The following CENPB variants were observed in gnomAD, a reference collection of about 807,000 sequenced individuals.
The protein encoded by CENPB is centromere protein B.
CENPB carries 19 observed loss-of-function variants against 41.9 expected under a neutral mutation model. The ratio of observed to expected loss-of-function variants is 0.45; its 90% confidence interval spans 0.32 to 0.67. The LOEUF is 0.67. Among genes scored for constraint, CENPB ranks in the 30% least tolerant of loss-of-function variants. The probability of loss-of-function intolerance (pLI) is 0.04; values close to 1 mark genes in which losing one functional copy is unlikely to be tolerated. For synonymous variants in CENPB, 399 were observed against 354.4 expected, an observed-to-expected ratio of 1.13 and a Z score of -1.41; for missense variants, 614 against 816.2, an observed-to-expected ratio of 0.75 and a Z score of 3.02.
Position 3,785,513 on chromosome 20 carries a change from G to A in CENPB, c.971C>T (p.Pro324Leu). 1 of 1,596,886 alleles carries A rather than the reference G, an allele frequency of 6.3e-7. No homozygotes were observed. Among genetic ancestry groups the A allele is most frequent in the Non-Finnish European group, 8.5e-7 (1 of 1,172,070 alleles). ...CTGCTGGACCACTCCCCTCTCCAGCGGATGCACGGTGCCGGGAGGGAAGAA... is the reference window on the plus strand; with the variant it reads ...CTGCTGGACCACTCCCCTCTCCAGCAGATGCACGGTGCCGGGAGGGAAGAA... ...LAFFPPGTVH[P>L]LERGVVQQVK... Residue 324 changes from proline to leucine, a missense_variant, in exon 1 of 1, where the codon CCG becomes CTG. By Grantham distance (98) the Pro-to-Leu change is moderately conservative. This residue lies in a region of CENPB where 537 missense variants were observed against 629.4 expected (regional missense o/e 0.85). Coordinates refer to ENST00000379751, the MANE Select transcript of CENPB (RefSeq NM_001810.6).
chr20:3,785,976 T>G lies in CENPB; in HGVS notation c.508A>C (p.Thr170Pro). The G allele has an allele frequency of 1.3e-6, 2 of 1,514,524 alleles. No homozygotes were observed. Among genetic ancestry groups the G allele is most frequent in the Non-Finnish European group, 1.8e-6 (2 of 1,137,798 alleles). The allele number at this position is 1,514,524 out of a possible 1,614,324, so 93.8% of individuals were successfully genotyped here. ...TGCTCCTCCCGAGCGCGCCAACCAGTAGTGCTCCCGCCACTGCCCTCCGAG... is the reference window on the plus strand; with the variant it reads ...TGCTCCTCCCGAGCGCGCCAACCAGGAGTGCTCCCGCCACTGCCCTCCGAG... ...VPSEGSGGST[T>P]GWRAREEQPP... The change falls in exon 1 of 1, where the codon ACT becomes CCT. Residue 170 changes from threonine to proline, a missense_variant. Thr to Pro is a conservative substitution (Grantham distance 38). Transcript: ENST00000379751.
In CENPB at chr20:3,784,277, G is replaced by A; in HGVS notation, c.*407C>T. On this transcript the variant is annotated 3_prime_UTR_variant, in exon 1 of 1. Coordinates refer to ENST00000379751, the MANE Select transcript of CENPB (RefSeq NM_001810.6). The surrounding 1 kb of genome is among the most constrained non-coding windows in gnomAD (Gnocchi z 5.2). ...CTTCTTCTGGAGCCCTTCCCAGAAT[G>A]GCTTTGGGGTCCCCCCACCAAAGAC... The A allele has an allele frequency of 5.2e-6, 1 of 193,676 alleles. No individual in the cohort carries two copies. Among genetic ancestry groups the A allele is most frequent in the South Asian group, 8.6e-5 (1 of 11,596 alleles). The allele number at this position is 193,676 out of a possible 1,614,324, so 12.0% of individuals were successfully genotyped here.
rs1369159816 is a variant in CENPB, at chr20:3,785,823, C to G, written c.661G>C (p.Ala221Pro). ...LCGGDGRPRQ[A>P]TQRLSVLLCA... is the part of the protein sequence containing the mutation. ...AGCAGGACGCTCAGGCGCTGGGTGG[C>G]TTGACGCGGCCGTCCGTCGCCTCCG... The change falls in exon 1 of 1, where the codon GCC becomes CCC. Residue 221 changes from alanine to proline, a missense_variant. Transcript: ENST00000379751. 5 of 1,609,192 alleles carry G rather than the reference C, an allele frequency of 3.1e-6. No homozygotes were observed. In the East Asian group the frequency reaches 1.1e-4, roughly 36 times the overall value.
rs79689519 is a variant in CENPB, at chr20:3,785,341, G to A, written c.1143C>T (p.Ala381=). The A allele has an allele frequency of 2.1e-5, 33 of 1,602,740 alleles. No homozygotes were observed. The African/African-American group carries it at 3.1e-4, about 15-fold the overall frequency. The change falls in exon 1 of 1, where the codon GCC becomes GCT. Residue 381 remains alanine, a synonymous_variant. Transcript: ENST00000379751. ...AWQAVEPSDI[A]ACFREAGFGG... Reference sequence around the variant, plus strand: ...CAAAGCCAGCCTCACGAAAGCAGGCGGCTATGTCCGAAGGCTCCACTGCCT... The same window carrying A: ...CAAAGCCAGCCTCACGAAAGCAGGCAGCTATGTCCGAAGGCTCCACTGCCT...
At position 3,784,917 on chromosome 20, in the gene CENPB, C is replaced by T. The variant is rs1423568101; in HGVS notation, c.1567G>A (p.Asp523Asn). 2 of 1,613,816 alleles carry T rather than the reference C, an allele frequency of 1.2e-6. No individual in the cohort carries two copies. The highest frequency in any genetic ancestry group is 1.7e-6 in the Non-Finnish European group (2 of 1,179,718). The change falls in exon 1 of 1, where the codon GAT becomes AAT. Residue 523 changes from aspartate (D) to asparagine (N), a missense_variant. Coordinates refer to ENST00000379751, the MANE Select transcript of CENPB (RefSeq NM_001810.6). This position sits in a 1 kb window ranked among gnomAD's most constrained non-coding sequence, Gnocchi z 5.2. ...DSEEEDDEEE[D>N]DEDEDDDDDE... The stretch of plus-strand genomic sequence containing the variant: ...TCATCGTCGTCTTCATCTTCATCAT[C>T]CTCTTCCTCATCGTCCTCTTCCTCA...
chr20:3,785,636 G>A lies in CENPB; in HGVS notation c.848C>T (p.Thr283Ile). The A allele has an allele frequency of 6.2e-7, 1 of 1,606,122 alleles. No individual in the cohort carries two copies. Among genetic ancestry groups the A allele is most frequent in the Non-Finnish European group, 8.5e-7 (1 of 1,176,524 alleles). The change falls in exon 1 of 1, where the codon ACC becomes ATC. Residue 283 changes from threonine (T) to isoleucine (I), a missense_variant. Physicochemically the swap from Thr to Ile is moderately conservative, Grantham distance 89. Around this residue, in one of 2 missense-constraint regions of CENPB, gnomAD observed 537 missense variants for 629.4 expected, o/e 0.85. Coordinates refer to ENST00000379751, the MANE Select transcript of CENPB (RefSeq NM_001810.6). ...CCGGCGAGACTCTGCAGCCATTCGGGTGTCCAAGGCCTTCAAGTACTTGGC... is the reference window on the plus strand; with the variant it reads ...CCGGCGAGACTCTGCAGCCATTCGGATGTCCAAGGCCTTCAAGTACTTGGC... ...ALAKYLKALD[T>I]RMAAESRRVL...
chr20:3,785,311 AC>A lies in CENPB; in HGVS notation c.1172del (p.Gly391ValfsTer90). The A allele has an allele frequency of 2.5e-6, 4 of 1,597,006 alleles. No homozygotes were observed. The highest frequency in any genetic ancestry group is 1.7e-6 in the Non-Finnish European group (2 of 1,174,042). Reference sequence around the variant, plus strand: ...AAGTGGTGATGGTGGCATTAGGGCCACCCCCAAAGCCAGCCTCACGAAAGCA... The same window carrying A: ...AAGTGGTGATGGTGGCATTAGGGCCACCCCAAAGCCAGCCTCACGAAAGCA... ...AACFREAGFG[G>X]GPNATITTSL... On this transcript the variant is annotated frameshift_variant, in exon 1 of 1. Transcript: ENST00000379751. LOFTEE classifies it high-confidence loss of function.
rs2088800771 is a variant in CENPB, at chr20:3,784,607, C to T, written c.*77G>A. The T allele has an allele frequency of 5.2e-6, 8 of 1,527,652 alleles. No individual in the cohort carries two copies. The highest frequency in any genetic ancestry group is 6.3e-6 in the Non-Finnish European group (7 of 1,118,048). The allele number at this position is 1,527,652 out of a possible 1,614,324, so 94.6% of individuals were successfully genotyped here. A position where few individuals can be genotyped will look rare whatever the true frequency, so the allele number is the denominator to read the frequency against. On this transcript the variant is annotated 3_prime_UTR_variant, in exon 1 of 1. Transcript: ENST00000379751. This position sits in a 1 kb window ranked among gnomAD's most constrained non-coding sequence, Gnocchi z 5.2. Reference sequence around the variant, plus strand: ...GGGCTCTGCACTCTGGCTCCATGCACAGCGGGTGCCCAGAGAGTCCTCTGC... The same window carrying T: ...GGGCTCTGCACTCTGGCTCCATGCATAGCGGGTGCCCAGAGAGTCCTCTGC...
Position 3,786,439 on chromosome 20 carries a change from C to G in CENPB, c.45G>C (p.Arg15=). ...RRQLTFREKS[R]IIQEVEENPD... ...GATTCTCCTCCACCTCCTGGATGATCCGTGACTTCTCCCGGAACGTCAGCT... is the reference window on the plus strand; with the variant it reads ...GATTCTCCTCCACCTCCTGGATGATGCGTGACTTCTCCCGGAACGTCAGCT... The change falls in exon 1 of 1, where the codon CGG becomes CGC. Residue 15 remains arginine (R), a synonymous_variant. Coordinates refer to ENST00000379751, the MANE Select transcript of CENPB (RefSeq NM_001810.6). The G allele has an allele frequency of 6.3e-7, 1 of 1,576,864 alleles. No individual in the cohort carries two copies. The highest frequency in any genetic ancestry group is 8.6e-7 in the Non-Finnish European group (1 of 1,167,660).
rs1411967126 is a variant in CENPB, at chr20:3,786,139, G to A, written c.345C>T (p.Asp115=). The change falls in exon 1 of 1, where the codon GAC becomes GAT. Residue 115 remains aspartate, a synonymous_variant. Transcript: ENST00000379751. ...LRIAEELGMD[D]FTASNGWLDR... Reference sequence around the variant, plus strand: ...CCAGCCAGCCGTTGGAGGCGGTGAAGTCGTCCATGCCCAGCTCCTCGGCTA... The same window carrying A: ...CCAGCCAGCCGTTGGAGGCGGTGAAATCGTCCATGCCCAGCTCCTCGGCTA... The A allele has an allele frequency of 2.5e-6, 4 of 1,597,612 alleles. No homozygotes were observed. The African/African-American group carries it at 5.4e-5, about 21-fold the overall frequency.
At position 3,785,656 on chromosome 20, in the gene CENPB, C is replaced by T. The variant is rs372238704; in HGVS notation, c.828G>A (p.Lys276=). 4.4e-6 allele frequency: 7 copies of T among 1,607,902 alleles called. No individual in the cohort carries two copies. The highest frequency in any genetic ancestry group is 2.7e-5 in the African/African-American group (2 of 74,854). The change falls in exon 1 of 1, where the codon AAG becomes AAA. Residue 276 remains lysine (K), a synonymous_variant. Transcript: ENST00000379751. ...KGGVTTQALA[K]YLKALDTRMA... is the part of the protein sequence containing the mutation. ...TTCGGGTGTCCAAGGCCTTCAAGTA[C>T]TTGGCCAGGGCCTGGGTGGTGACAC...
Position 3,784,887 on chromosome 20 carries a change from C to T in CENPB, c.1597G>A (p.Glu533Lys). The change falls in exon 1 of 1, where the codon GAG (glutamate) becomes AAG (lysine). Residue 533 changes from glutamate (E) to lysine (K), a missense_variant. By Grantham distance (56) the Glu-to-Lys change is moderately conservative. This residue lies in a region of CENPB where 537 missense variants were observed against 629.4 expected (regional missense o/e 0.85). Transcript: ENST00000379751. This position sits in a 1 kb window ranked among gnomAD's most constrained non-coding sequence, Gnocchi z 5.2. Reference protein sequence around the residue: ...DDEDEDDDDDEEDGDEVPVPS... With the variant: ...DDEDEDDDDDKEDGDEVPVPS... ...ACAGGCACCTCATCACCATCCTCCT[C>T]ATCATCATCGTCGTCTTCATCTTCA... 1 of 1,613,752 alleles carries T rather than the reference C, an allele frequency of 6.2e-7. No homozygotes were observed. The highest frequency in any genetic ancestry group is 8.5e-7 in the Non-Finnish European group (1 of 1,179,778).
Position 3,786,499 on chromosome 20 carries a change from G to A in CENPB, c.-16C>T. Reference sequence around the variant, plus strand: ...TGGGGCCCATCCCGGCGCGCCCCCCGCCCCGGGGCCCGGCGCCGCCGCCGC... The same window carrying A: ...TGGGGCCCATCCCGGCGCGCCCCCCACCCCGGGGCCCGGCGCCGCCGCCGC... On this transcript the variant is annotated 5_prime_UTR_variant, in exon 1 of 1. Transcript: ENST00000379751. 14 of 1,114,494 alleles carry A rather than the reference G, an allele frequency of 1.3e-5. No homozygotes were observed. Among genetic ancestry groups the A allele is most frequent in the Non-Finnish European group, 1.6e-5 (14 of 877,358 alleles). The allele number at this position is 1,114,494 out of a possible 1,614,324, so 69.0% of individuals were successfully genotyped here.
chr20:3,786,548 C>A lies in CENPB; in HGVS notation c.-65G>T, dbSNP rs2088827483. 2.3e-6 allele frequency: 1 copy of A among 439,912 alleles called. No individual in the cohort carries two copies. The allele number at this position is 439,912 out of a possible 1,614,324, so 27.3% of individuals were successfully genotyped here. The stretch of plus-strand genomic sequence containing the variant: ...GCCGCCCCGGGGCGGGGGGCCCGGG[C>A]CCGTGGCGGGGGGCACCTGGCGGCC... On this transcript the variant is annotated 5_prime_UTR_variant, in exon 1 of 1. Coordinates refer to ENST00000379751, the MANE Select transcript of CENPB (RefSeq NM_001810.6).
At position 3,786,069 on chromosome 20, in the gene CENPB, C is replaced by A; in HGVS notation, c.415G>T (p.Ala139Ser). 1.3e-6 allele frequency: 2 copies of A among 1,562,306 alleles called. No homozygotes were observed. The highest frequency in any genetic ancestry group is 1.1e-5 in the South Asian group (1 of 88,138). Residue 139 changes from alanine to serine, a missense_variant, in exon 1 of 1, where the codon GCC (alanine) becomes TCC (serine). Ala to Ser is a moderately conservative substitution (Grantham distance 99, BLOSUM62 1). Coordinates refer to ENST00000379751, the MANE Select transcript of CENPB (RefSeq NM_001810.6). ...GCAGCGTTTCGCGCGCGGGCGCGGG[C>A]CACGCCGCTGCAGGACACCACGCCG... ...RHGVVSCSGV[A>S]RARARNAAPR... is the part of the protein sequence containing the mutation.
Position 3,786,563 on chromosome 20 carries a change from ACCTGGCGGCCTCTCCCGCGCGCCCCG to A in CENPB, c.-106_-81del. The A allele has an allele frequency of 3.0e-6, 1 of 337,812 alleles. No individual in the cohort carries two copies. Among genetic ancestry groups the A allele is most frequent in the Non-Finnish European group, 4.1e-6 (1 of 246,256 alleles). 20.9% of individuals were successfully genotyped at this position (337,812 alleles called of 1,614,324 possible). On this transcript the variant is annotated 5_prime_UTR_variant, in exon 1 of 1. Transcript: ENST00000379751. The stretch of plus-strand genomic sequence containing the variant: ...GGGGCCCGGGCCCGTGGCGGGGGGC[ACCTGGCGGCCTCTCCCGCGCGCCCCG>A]CCCGAGACAAAGCGGCTCGCGGGCG...
In CENPB at chr20:3,785,177, C is replaced by G. The variant is rs13042058; in HGVS notation, c.1307G>C (p.Gly436Ala). Residue 436 changes from glycine to alanine, a missense_variant, in exon 1 of 1, where the codon GGG (glycine) becomes GCG (alanine). Around this residue, in one of 2 missense-constraint regions of CENPB, gnomAD observed 537 missense variants for 629.4 expected, o/e 0.85. Transcript: ENST00000379751. Reference sequence around the variant, plus strand: ...CTCCCCCAATTCCTCTCCTTCCCCCCCTTCCTCCTCCTCCTCCTCCCCTTC... The same window carrying G: ...CTCCCCCAATTCCTCTCCTTCCCCCGCTTCCTCCTCCTCCTCCTCCCCTTC... The part of the protein sequence containing the change: ...EEEGEEEEEE[G>A]GEGEELGEEE... The G allele has an allele frequency of 1.1e-5, 14 of 1,238,622 alleles. No homozygotes were observed. The African/African-American group carries it at 2.1e-4, about 19-fold the overall frequency. The allele number at this position is 1,238,622 out of a possible 1,614,324, so 76.7% of individuals were successfully genotyped here.
In CENPB at chr20:3,785,174, CCCCCTTCCTCCTCCTCCTCCT is replaced by C. The variant is rs777873622; in HGVS notation, c.1289_1309del (p.Glu430_Gly436del). ...TTCCTCCCCCAATTCCTCTCCTTCC[CCCCCTTCCTCCTCCTCCTCCT>C]CCCCTTCCTCCTCCTCTTCCTCTCC... On this transcript the variant is annotated inframe_deletion, in exon 1 of 1. Coordinates refer to ENST00000379751, the MANE Select transcript of CENPB (RefSeq NM_001810.6). 1.9e-5 allele frequency: 22 copies of C among 1,136,826 alleles called. No individual in the cohort carries two copies. Among genetic ancestry groups the C allele is most frequent in the Admixed American group, 2.2e-5 (1 of 45,540 alleles). The allele number at this position is 1,136,826 out of a possible 1,614,324, so 70.4% of individuals were successfully genotyped here.
chr20:3,785,368 C>T lies in CENPB; in HGVS notation c.1116G>A (p.Trp372Ter). ...TEALHFVAAA[W>*]QAVEPSDIAA... is the part of the protein sequence containing the mutation. Reference sequence around the variant, plus strand: ...CTATGTCCGAAGGCTCCACTGCCTGCCAGGCGGCAGCCACAAAGTGCAGGG... The same window carrying T: ...CTATGTCCGAAGGCTCCACTGCCTGTCAGGCGGCAGCCACAAAGTGCAGGG... The change falls in exon 1 of 1, where the codon TGG (tryptophan) becomes TGA (stop). Residue 372 changes from tryptophan (W) to a stop codon, truncating the protein, a stop_gained. Coordinates refer to ENST00000379751, the MANE Select transcript of CENPB (RefSeq NM_001810.6). LOFTEE classifies it high-confidence loss of function. 3 of 1,601,764 alleles carry T rather than the reference C, an allele frequency of 1.9e-6. No individual in the cohort carries two copies. Among genetic ancestry groups the T allele is most frequent in the Non-Finnish European group, 2.6e-6 (3 of 1,175,450 alleles).
Sources: allele counts gnomAD v4.1 joint callset, GRCh38; gene constraint gnomAD v4.1.1; regional missense constraint gnomAD v4.1.1; non-coding constraint Gnocchi (gnomAD v3.1); transcripts MANE v1.5; gene names NCBI Gene and HGNC (gene_info 2026-07-23, HGNC 2026-07-21).